SWT1: variants seen among roughly 807,000 people sequenced by gnomAD.
SWT1 encodes transcriptional protein SWT1.
In SWT1, 33 loss-of-function variants were observed where a neutral mutation model predicts 107.3. That is an observed-to-expected ratio of 0.31 (90% CI 0.23 to 0.41). The LOEUF (loss-of-function observed/expected upper bound fraction) is 0.41, where lower values mean the gene tolerates loss of function less well. Ranked by LOEUF, SWT1 falls within the 10% of genes least tolerant of loss-of-function variation. The pLI is 1.00. For missense variants in SWT1, 898 were observed against 1,028.9 expected, an observed-to-expected ratio of 0.87 and a Z score of 1.74; for synonymous variants, 345 against 348.3, an observed-to-expected ratio of 0.99 and a Z score of 0.11.
chr1:185,249,981 C>T (rs1661891231), intron 16 of SWT1, among the ~76,000 whole-genome samples: 1 of 152,138 alleles, frequency 6.6e-6, no homozygotes, highest in African/African-American at 2.4e-5. Flanking sequence ...TTTACCAGAA[C>T]AATCCTGTAA....
rs1197747512 is a variant in SWT1 at position 185,176,283 on chromosome 1, C to T, written c.966+1170C>T. On this transcript the variant is annotated intron_variant, in intron 5 of 18. Transcript: ENST00000367500. The stretch of plus-strand genomic sequence containing the variant: ...CCTAGGTGACAGAAAGAGACCTTGT[C>T]TCCAAAAAAAAAAAAAAAAAAAAAA... Among the ~76,000 whole-genome samples the T allele has an allele frequency of 2.9e-4, 18 of 62,352 alleles. 1 individual carries two copies. The Admixed American group carries it at 4.4e-3, about 15-fold the overall frequency. The allele number at this position is 62,352 out of a possible 152,430, so 40.9% of individuals were successfully genotyped here. A position where few individuals can be genotyped will look rare whatever the true frequency, so the allele number is the denominator to read the frequency against.
intron 16 of SWT1, among the ~76,000 whole-genome samples, chr1:185,252,537 A>G (rs893058895): frequency 1.1e-4 from 17 of 152,280 alleles, no homozygotes; most frequent in South Asian, 8.3e-4. Flanking sequence ...GGCCAGTGAT[A>G]ATGAGCATTT....
chr1:185,234,416 A>G (rs938994460), intron 16 of SWT1, among the ~76,000 whole-genome samples: 1 of 152,146 alleles, frequency 6.6e-6, no homozygotes. Flanking sequence ...GTGTTTTATC[A>G]GAGACTAGGA....
At chr1:185,224,677 G>GT in intron 15 of SWT1, among the ~76,000 whole-genome samples, 1 of 152,092 alleles carries the variant, frequency 6.6e-6, no homozygotes, top group South Asian at 2.1e-4. Flanking sequence ...AGTTTTCAGC[G>GT]TAAGATCTTT....
chr1:185,289,402 AT>A (rs1178868910), intron 18 of SWT1, among the ~76,000 whole-genome samples: 1 of 152,236 alleles, frequency 6.6e-6, no homozygotes, highest in African/African-American at 2.4e-5. Flanking sequence ...TGGTTGAACA[AT>A]CTAGTTCTAC....
intron 10 of SWT1, among the ~76,000 whole-genome samples, chr1:185,192,695 T>C (rs1464082577): frequency 6.6e-6 from 1 of 151,426 alleles, no homozygotes; most frequent in Admixed American, 6.6e-5. Context: ...TCACCCAGGC[T>C]GGAGTGCAGT....
At chr1:185,261,128 C>G (rs1350377306) in intron 16 of SWT1, among the ~76,000 whole-genome samples, 3 of 152,128 alleles carry the variant, frequency 2.0e-5, no homozygotes, top group Non-Finnish European at 4.4e-5. Flanking sequence ...CCACAGAATT[C>G]TTTTCATCTC....
intron 3 of SWT1, 137 bp from the exon 4 acceptor site, chr1:185,168,203 A>T (rs2102318024): frequency 2.1e-6 from 1 of 485,436 alleles, no homozygotes; most frequent in East Asian, 5.9e-5. Context: ...TGAAACGGGG[A>T]TGATGATAAT....
intron 5 of SWT1, among the ~76,000 whole-genome samples, chr1:185,179,786 A>G (rs1056315523): frequency 1.3e-5 from 2 of 152,218 alleles, no homozygotes; most frequent in Non-Finnish European, 2.9e-5. Flanking sequence ...ATGTTTCATG[A>G]CTTGATAAAA....
chr1:185,251,928 A>G (rs1402729447), intron 16 of SWT1, among the ~76,000 whole-genome samples: 8 of 151,918 alleles, frequency 5.3e-5, no homozygotes, highest in African/African-American at 1.7e-4. Flanking sequence ...ATATCTCCCA[A>G]TGCTATCCCT....
chr1:185,262,694 C>T (rs1480352292), intron 16 of SWT1, among the ~76,000 whole-genome samples: 1 of 152,088 alleles, frequency 6.6e-6, no homozygotes, highest in Non-Finnish European at 1.5e-5. Context: ...AGGCCTCCCT[C>T]CTTAGCTTGT....
At chr1:185,228,169 GTA>G (rs757812651) in intron 15 of SWT1, among the ~76,000 whole-genome samples, 66 of 79,208 alleles carry the variant, frequency 8.3e-4, no homozygotes, top group East Asian at 1.1e-3. Flanking sequence ...AAAAAAATGT[GTA>G]TATATATATA....
intron 16 of SWT1, among the ~76,000 whole-genome samples, chr1:185,248,299 AACTT>A (rs1280389271): frequency 1.3e-5 from 2 of 152,198 alleles, no homozygotes; most frequent in Non-Finnish European, 2.9e-5. Flanking sequence ...AATTAAACTC[AACTT>A]ACTTTCAATA....
chr1:185,244,432 G>A, intron 16 of SWT1, among the ~76,000 whole-genome samples: 1 of 152,012 alleles, frequency 6.6e-6, no homozygotes, highest in East Asian at 1.9e-4. Context: ...GTAATTATTT[G>A]TGTACCTAAA....
At position 185,227,086 on chromosome 1, in the gene SWT1, C is replaced by A. The variant is rs1660127014; in HGVS notation, c.2310-4491C>A. On this transcript the variant is annotated intron_variant, in intron 15 of 18. Coordinates refer to ENST00000367500, the MANE Select transcript of SWT1 (RefSeq NM_017673.7). ...TCCATTAAATAGCACATGTAATCTG[C>A]AACATTCTGGCCCATGATGTGCTTC... The A allele has an allele frequency of 5.2e-6, 6 of 1,159,874 alleles. No homozygotes were observed. In the African/African-American group the frequency reaches 7.6e-5, roughly 15 times the overall value. The allele number at this position is 1,159,874 out of a possible 1,614,324, so 71.8% of individuals were successfully genotyped here.
At chr1:185,218,983 A>G (rs545980306) in intron 14 of SWT1, among the ~76,000 whole-genome samples, 80 of 152,358 alleles carry the variant, frequency 5.3e-4, no homozygotes, top group African/African-American at 1.9e-3. Context: ...TATATACACT[A>G]CTATTTAAGA....
At chr1:185,227,822 A>G in intron 15 of SWT1, 1 of 286,334 alleles carries the variant, frequency 3.5e-6, no homozygotes, top group South Asian at 3.5e-5. Context: ...ATGATGGCTC[A>G]TGTCTGTAAT....
chr1:185,235,248 A>G (rs1660781414), intron 16 of SWT1, among the ~76,000 whole-genome samples: 1 of 152,210 alleles, frequency 6.6e-6, no homozygotes, highest in Non-Finnish European at 1.5e-5. Context: ...AAAACCTGGC[A>G]GAGACACAAC....
chr1:185,252,101 G>A (rs905693754), intron 16 of SWT1, among the ~76,000 whole-genome samples: 5 of 151,800 alleles, frequency 3.3e-5, no homozygotes, highest in Non-Finnish European at 7.4e-5. Flanking sequence ...AATTTCATCC[G>A]GACATGAACT....
Sources: gnomAD v4.1 joint callset for allele counts (sites outside exome capture counted in the v4.1 genomes callset) on GRCh38, gnomAD v4.1.1 for gene constraint, MANE v1.5 for transcripts, NCBI Gene and HGNC (gene_info 2026-07-23, HGNC 2026-07-21) for gene names.